The following SOBP variants were observed in gnomAD, a reference collection of about 807,000 sequenced individuals.
The protein encoded by SOBP is sine oculis binding protein homolog.
SOBP carries 4 observed loss-of-function variants against 53.6 expected under a neutral mutation model. The observed-to-expected ratio is 0.07, with a 90% confidence interval of 0.04 to 0.17. The LOEUF (loss-of-function observed/expected upper bound fraction) is 0.17, where lower values mean the gene tolerates loss of function less well. Ranked by LOEUF, SOBP falls within the 10% of genes least tolerant of loss-of-function variation. SOBP has a pLI of 1.00. For missense variants in SOBP, 1,088 were observed against 1,204.7 expected, an observed-to-expected ratio of 0.90 and a Z score of 1.43; for synonymous variants, 584 against 522.6, an observed-to-expected ratio of 1.12 and a Z score of -1.60.
chr6:107,608,705 G>A (rs1027061401), intron 5 of SOBP, among the ~76,000 whole-genome samples: 13 of 152,164 alleles, frequency 8.5e-5, no homozygotes, highest in Non-Finnish European at 1.3e-4. Flanking sequence ...CTTATACTAC[G>A]TGCAAGGTCC....
intron 5 of SOBP, among the ~76,000 whole-genome samples, chr6:107,616,562 C>G (rs952261258): frequency 6.6e-6 from 1 of 152,158 alleles, no homozygotes; most frequent in African/African-American, 2.4e-5. Flanking sequence ...AATCTTACAT[C>G]TTTTTGTATT....
intron 5 of SOBP, among the ~76,000 whole-genome samples, chr6:107,606,239 G>A (rs1786375289): frequency 6.6e-6 from 1 of 151,904 alleles, no homozygotes; most frequent in Non-Finnish European, 1.5e-5. Context: ...ATCACGCCCA[G>A]CTAATTTTTG....
chr6:107,656,287 AAAAGAAAGAAAGAAAG>A (rs1184787226), intron 6 of SOBP, among the ~76,000 whole-genome samples: 24 of 124,264 alleles, frequency 1.9e-4, no homozygotes, highest in African/African-American at 5.1e-4. Context: ...AGAAAGAAAG[AAAAGAAAGAAAGAAAG>A]AAAGAAAGAA....
intron 6 of SOBP, among the ~76,000 whole-genome samples, chr6:107,652,389 A>G (rs547174646): frequency 5.9e-5 from 9 of 152,234 alleles, no homozygotes; most frequent in Non-Finnish European, 7.3e-5. Flanking sequence ...ATAGCAAGAG[A>G]ATTACAAGGG....
chr6:107,597,097 G>T (rs948039782), intron 5 of SOBP, among the ~76,000 whole-genome samples: 2 of 152,164 alleles, frequency 1.3e-5, no homozygotes, highest in African/African-American at 4.8e-5. Context: ...TTGTTTCTCT[G>T]TGTGAACAGG....
At chr6:107,564,877 T>C (rs1320178398) in intron 4 of SOBP, among the ~76,000 whole-genome samples, 1 of 152,214 alleles carries the variant, frequency 6.6e-6, no homozygotes. Context: ...CATAAACTGG[T>C]TCAAACATCT....
At chr6:107,602,340 C>T (rs1239968174) in intron 5 of SOBP, among the ~76,000 whole-genome samples, 1 of 152,110 alleles carries the variant, frequency 6.6e-6, no homozygotes, top group Non-Finnish European at 1.5e-5. Flanking sequence ...AGCAGTGTCT[C>T]CTGAATCATA....
In SOBP at chr6:107,635,270, C is replaced by A; in HGVS notation, c.2426C>A (p.Pro809His). 1 of 1,613,934 alleles carries A rather than the reference C, an allele frequency of 6.2e-7. No homozygotes were observed. The highest frequency in any genetic ancestry group is 8.5e-7 in the Non-Finnish European group (1 of 1,179,996). Reference protein sequence around the residue: ...GDKSDPNLNNPADEDHAYALR... With the variant: ...GDKSDPNLNNHADEDHAYALR... ...AAGTCAGACCCGAACCTTAATAACCCCGCGGACGAGGACCATGCCTATGCT... is the reference window on the plus strand; with the variant it reads ...AAGTCAGACCCGAACCTTAATAACCACGCGGACGAGGACCATGCCTATGCT... The change falls in exon 6 of 7, where the codon CCC (proline) becomes CAC (histidine). Residue 809 changes from proline to histidine, a missense_variant. Physicochemically the swap from Pro to His is moderately conservative, Grantham distance 77. Coordinates refer to ENST00000317357, the MANE Select transcript of SOBP (RefSeq NM_018013.4). The surrounding 1 kb of genome is among the most constrained non-coding windows in gnomAD (Gnocchi z 4.5).
chr6:107,499,199 G>T (rs932229273), intron 1 of SOBP, among the ~76,000 whole-genome samples: 6 of 152,036 alleles, frequency 3.9e-5, no homozygotes, highest in African/African-American at 1.4e-4. Context: ...AATAGAAAGA[G>T]ACCTGGCTTA....
At chr6:107,621,251 C>A in intron 5 of SOBP, 1 of 278,418 alleles carries the variant, frequency 3.6e-6, no homozygotes, top group Non-Finnish European at 5.4e-6. Context: ...AGGCATTTGG[C>A]CTGGATGAGG....
At chr6:107,627,674 A>G (rs1248443750) in intron 5 of SOBP, among the ~76,000 whole-genome samples, 1 of 152,234 alleles carries the variant, frequency 6.6e-6, no homozygotes. Context: ...AATAAAAAGA[A>G]CTATGTAGCA....
Position 107,654,101 on chromosome 6 carries a change from G to A in SOBP, c.*4-4106G>A, listed in dbSNP as rs531205158. On this transcript the variant is annotated intron_variant, in intron 6 of 6. Coordinates refer to ENST00000317357, the MANE Select transcript of SOBP (RefSeq NM_018013.4). The stretch of plus-strand genomic sequence containing the variant: ...CTCAATGCATTTGGTGTGCAGTTAC[G>A]ATTCCATGAAGAGAAATATTTCATT... Among the ~76,000 whole-genome samples, 18 of 152,318 alleles carry A rather than the reference G, an allele frequency of 1.2e-4. No homozygotes were observed. The South Asian group carries it at 1.7e-3, about 14-fold the overall frequency.
chr6:107,638,456 C>T (rs1358895774), intron 6 of SOBP, among the ~76,000 whole-genome samples: 1 of 152,138 alleles, frequency 6.6e-6, no homozygotes, highest in Non-Finnish European at 1.5e-5. Context: ...GGTGATCCAC[C>T]CACCTCGGCC....
intron 5 of SOBP, among the ~76,000 whole-genome samples, chr6:107,615,098 G>C (rs1484565485): frequency 6.6e-6 from 1 of 152,204 alleles, no homozygotes; most frequent in Non-Finnish European, 1.5e-5. Context: ...AAGCAGGAGA[G>C]ATCCAGCTGG....
chr6:107,533,723 A>G, intron 4 of SOBP, 113 bp downstream of exon 4: 1 of 1,355,150 alleles, frequency 7.4e-7, no homozygotes, highest in Non-Finnish European at 1.0e-6. Flanking sequence ...TTATATTTTT[A>G]TTCTCTCTGT....
chr6:107,575,865 G>A (rs781315853), intron 4 of SOBP, among the ~76,000 whole-genome samples: 5 of 152,104 alleles, frequency 3.3e-5, no homozygotes, highest in African/African-American at 7.2e-5. Flanking sequence ...AAATTCTGCC[G>A]AAATGATTAT....
At chr6:107,534,620 C>A (rs866197107) in intron 4 of SOBP, among the ~76,000 whole-genome samples, 3 of 152,176 alleles carry the variant, frequency 2.0e-5, no homozygotes, top group Non-Finnish European at 2.9e-5. Flanking sequence ...GGCACTGTTG[C>A]AGCAAATTAT....
intron 2 of SOBP, among the ~76,000 whole-genome samples, chr6:107,504,220 C>T (rs1474379520): frequency 1.3e-5 from 2 of 152,138 alleles, no homozygotes; most frequent in African/African-American, 4.8e-5. Flanking sequence ...TGGTAATCCT[C>T]CTTCCTTTTT....
chr6:107,638,528 T>A (rs1771158759), intron 6 of SOBP, among the ~76,000 whole-genome samples: 1 of 152,190 alleles, frequency 6.6e-6, no homozygotes, highest in African/African-American at 2.4e-5. Context: ...TGTTTTTTTG[T>A]GCACATGTGG....
Sources: gnomAD v4.1 joint callset for allele counts (sites outside exome capture counted in the v4.1 genomes callset) on GRCh38, gnomAD v4.1.1 for gene constraint, Gnocchi (gnomAD v3.1) non-coding constraint, MANE v1.5 for transcripts, NCBI Gene and HGNC (gene_info 2026-07-23, HGNC 2026-07-21) for gene names.